PPP6R1: variants seen among roughly 807,000 people sequenced by gnomAD.
PPP6R1 encodes the protein serine/threonine-protein phosphatase 6 regulatory subunit 1.
Under a neutral mutation model 104.6 loss-of-function variants are expected in PPP6R1, and 39 were observed. The observed-to-expected ratio is 0.37, with a 90% CI of 0.29 to 0.49. The LOEUF is 0.49. Ranked by LOEUF, PPP6R1 falls within the 20% of genes least tolerant of loss-of-function variation. PPP6R1 has a pLI of 0.98. For synonymous variants in PPP6R1, 549 were observed against 479.0 expected (o/e 1.15, Z -1.91); for missense variants, 1,181 against 1,155.8 (o/e 1.02, Z -0.32).
At chr19:55,239,135 G>C in intron 15 of PPP6R1, 1 of 467,268 alleles carries the variant, frequency 2.1e-6, no homozygotes, top group African/African-American at 2.0e-5. Context: ...CCCGCTCTGT[G>C]TCCCCAGCAC....
chr19:55,231,686 C>A lies in PPP6R1; in HGVS notation c.2307-18G>T. 6.3e-7 allele frequency: 1 copy of A among 1,586,438 alleles called. No individual in the cohort carries two copies. The highest frequency in any genetic ancestry group is 1.2e-5 in the South Asian group (1 of 86,506). ...CCTGAGACCTGGTAGGCGAGAGAGG[C>A]AGCCCAAGGGGGCAGCTAGGGTTAG... On this transcript the variant is annotated intron_variant, in intron 19 of 23. Transcript: ENST00000412770.
At chr19:55,253,701 G>A (rs1216184721) in intron 1 of PPP6R1, among the ~76,000 whole-genome samples, 1 of 152,138 alleles carries the variant, frequency 6.6e-6, no homozygotes, top group African/African-American at 2.4e-5. Flanking sequence ...AAATATGGAA[G>A]AACAGAAAAA....
chr19:55,257,038 C>T, intron 1 of PPP6R1, among the ~76,000 whole-genome samples: 1 of 148,672 alleles, frequency 6.7e-6, no homozygotes, highest in Non-Finnish European at 1.5e-5. Context: ...TAACAATTAG[C>T]TGGACTGCCT....
rs1169299220 is a variant in PPP6R1, at chr19:55,240,120, A to G, written c.1362-6T>C. The G allele has an allele frequency of 6.3e-7, 1 of 1,574,878 alleles. No homozygotes were observed. The highest frequency in any genetic ancestry group is 2.4e-5 in the East Asian group (1 of 42,338). ...TCCGAGGGCCTCCCGCACACCTGGC[A>G]AGAGTGAAGGCCGCGGCTGCAAGCC... On this transcript the variant is annotated splice_polypyrimidine_tract_variant and splice_region_variant and intron_variant, in intron 11 of 23. Transcript: ENST00000412770.
chr19:55,234,744 T>C (rs558899457), intron 17 of PPP6R1, among the ~76,000 whole-genome samples: 1 of 152,306 alleles, frequency 6.6e-6, no homozygotes, highest in East Asian at 1.9e-4. Context: ...TCATCATGCA[T>C]GGCACTGCCC....
At position 55,245,730 on chromosome 19, in the gene PPP6R1, G is replaced by C. The variant is rs1255356868; in HGVS notation, c.228-52C>G. 5 of 1,406,338 alleles carry C rather than the reference G, an allele frequency of 3.6e-6. No homozygotes were observed. The highest frequency in any genetic ancestry group is 4.9e-6 in the Non-Finnish European group (5 of 1,025,488). The allele number at this position is 1,406,338 out of a possible 1,614,324, so 87.1% of individuals were successfully genotyped here. A position where few individuals can be genotyped will look rare whatever the true frequency, so the allele number is the denominator to read the frequency against. On this transcript the variant is annotated intron_variant, in intron 2 of 23. Transcript: ENST00000412770. The surrounding 1 kb of genome is among the most constrained non-coding windows in gnomAD (Gnocchi z 6.4). ...GGCTCGGGTCGGAGGCCGGGGGCAGGGGGCGGCAAGGCTCCACCCTCTTCT... is the reference window on the plus strand; with the variant it reads ...GGCTCGGGTCGGAGGCCGGGGGCAGCGGGCGGCAAGGCTCCACCCTCTTCT...
At chr19:55,239,712 G>A in intron 13 of PPP6R1, 29 bp from the exon 14 acceptor site, 2 of 1,593,668 alleles carry the variant, frequency 1.3e-6, no homozygotes, top group Non-Finnish European at 8.6e-7. Context: ...GTCAGGGCCT[G>A]CTGGAGCCCC....
At chr19:55,250,440 G>A (rs575657838) in intron 1 of PPP6R1, among the ~76,000 whole-genome samples, 4 of 152,252 alleles carry the variant, frequency 2.6e-5, no homozygotes, top group South Asian at 2.1e-4. Context: ...GCGAGTTCCC[G>A]CTGAGCCGGC....
intron 17 of PPP6R1, among the ~76,000 whole-genome samples, chr19:55,235,571 T>C (rs1475148536): frequency 6.6e-6 from 1 of 150,832 alleles, no homozygotes; most frequent in Non-Finnish European, 1.5e-5. Context: ...CAGGCTGGAG[T>C]ACAGTGGCGC....
intron 1 of PPP6R1, among the ~76,000 whole-genome samples, chr19:55,254,550 G>C (rs1012946015): frequency 6.6e-6 from 1 of 152,114 alleles, no homozygotes; most frequent in Non-Finnish European, 1.5e-5. Context: ...CCAGGGAACC[G>C]GTGGGCCCAT....
At position 55,242,276 on chromosome 19, in the gene PPP6R1, C is replaced by G. The variant is rs1481607277; in HGVS notation, c.735G>C (p.Gln245His). Residue 245 changes from glutamine (Q) to histidine (H), a missense_variant, in exon 7 of 24, where the codon CAG becomes CAC. By Grantham distance (24) the Gln-to-His change is conservative. This residue lies in a region of PPP6R1 where 1,042 missense variants were observed against 955.6 expected (regional missense o/e 1.09). Coordinates refer to ENST00000412770, the MANE Select transcript of PPP6R1 (RefSeq NM_014931.4). ...TGCTTAAGAGCTGCTCAATCGTCTC[C>G]TGCCTGCGGGGGCAGGGGCAGGGGT... ...PDQLLATLEK[Q>H]ETIEQLLSNM... The G allele has an allele frequency of 6.2e-7, 1 of 1,613,968 alleles. No individual in the cohort carries two copies. The highest frequency in any genetic ancestry group is 1.7e-5 in the Admixed American group (1 of 60,030).
chr19:55,240,703 G>A (rs922502746), intron 10 of PPP6R1, among the ~76,000 whole-genome samples: 1 of 152,056 alleles, frequency 6.6e-6, no homozygotes, highest in Non-Finnish European at 1.5e-5. Context: ...TCAGCTGCTC[G>A]CAGGTCTGCT....
rs79997257 is a variant in PPP6R1 at position 55,237,206 on chromosome 19, G to T, written c.1752-236C>A. 6.1e-3 allele frequency among the ~76,000 whole-genome samples: 924 copies of T among 152,266 alleles called. 5 individuals are homozygous for T. Among genetic ancestry groups the T allele is most frequent in the African/African-American group, 0.021 (889 of 41,520 alleles). ...TTAAAACCACTCATTGAGGTAGGCT[G>T]TTTCCCTTGGCTCTAGAAGTGAGAA... On this transcript the variant is annotated intron_variant, in intron 15 of 23. Coordinates refer to ENST00000412770, the MANE Select transcript of PPP6R1 (RefSeq NM_014931.4).
In PPP6R1 at chr19:55,236,919, A is replaced by G; in HGVS notation, c.1803T>C (p.Asp601=). The G allele has an allele frequency of 1.2e-6, 2 of 1,612,700 alleles. No individual in the cohort carries two copies. Among genetic ancestry groups the G allele is most frequent in the Admixed American group, 3.3e-5 (2 of 60,020 alleles). Residue 601 remains aspartate (D), a synonymous_variant, in exon 16 of 24, where the codon GAT becomes GAC. Coordinates refer to ENST00000412770, the MANE Select transcript of PPP6R1 (RefSeq NM_014931.4). ...GGGACAGGGCAGTACTCACGTTCTCATCGTCAGCATTGAGGGAGAAGGTGA... is the reference window on the plus strand; with the variant it reads ...GGGACAGGGCAGTACTCACGTTCTCGTCGTCAGCATTGAGGGAGAAGGTGA... ...ANITFSLNAD[D]ENPNANLLEI... is the part of the protein sequence containing the mutation.
intron 1 of PPP6R1, among the ~76,000 whole-genome samples, chr19:55,258,113 CG>C (rs2087608436): frequency 6.6e-6 from 1 of 152,202 alleles, no homozygotes; most frequent in Non-Finnish European, 1.5e-5. Context: ...GCCGGGGAAC[CG>C]GCCAGAGAGG....
In PPP6R1 at chr19:55,240,043, G is replaced by A. The variant is rs370760695; in HGVS notation, c.1433C>T (p.Thr478Met). Residue 478 changes from threonine to methionine, a missense_variant, in exon 12 of 24, where the codon ACG (threonine) becomes ATG (methionine). Around this residue, in one of 2 missense-constraint regions of PPP6R1, gnomAD observed 1,042 missense variants for 955.6 expected, o/e 1.09. Coordinates refer to ENST00000412770, the MANE Select transcript of PPP6R1 (RefSeq NM_014931.4). The stretch of plus-strand genomic sequence containing the variant: ...CTGCTCTGCATTGGGCCCCTTCTCC[G>A]TGTTCTGCACCAGGGCACCGGCCAC... Reference protein sequence around the residue: ...TRVAGALVQNTEKGPNAEQLR... With the variant: ...TRVAGALVQNMEKGPNAEQLR... 68 of 1,603,288 alleles carry A rather than the reference G, an allele frequency of 4.2e-5. No homozygotes were observed. Among genetic ancestry groups the A allele is most frequent in the African/African-American group, 1.1e-4 (8 of 74,794 alleles).
Position 55,230,101 on chromosome 19 carries a change from G to A in PPP6R1, c.*427C>T, listed in dbSNP as rs145131014. 1.5e-4 allele frequency: 26 copies of A among 179,116 alleles called. No homozygotes were observed. Among genetic ancestry groups the A allele is most frequent in the South Asian group, 5.1e-4 (4 of 7,770 alleles). The allele number at this position is 179,116 out of a possible 1,614,324, so 11.1% of individuals were successfully genotyped here. A position where few individuals can be genotyped will look rare whatever the true frequency, so the allele number is the denominator to read the frequency against. ...GCCGGGTGTGGGCGTGGCCGTCTGC[G>A]CTGCAGCGTGGGACAGCTGGGCACG... On this transcript the variant is annotated 3_prime_UTR_variant, in exon 24 of 24. Coordinates refer to ENST00000412770, the MANE Select transcript of PPP6R1 (RefSeq NM_014931.4).
At chr19:55,249,946 CAGCTCACTGACTG>C (rs966347209) in intron 1 of PPP6R1, among the ~76,000 whole-genome samples, 1 of 152,220 alleles carries the variant, frequency 6.6e-6, no homozygotes, top group Admixed American at 6.5e-5. Flanking sequence ...CCTGCCCAGC[CAGCTCACTGACTG>C]ACCTCCATGC....
At chr19:55,246,264 C>T (rs1247036690) in intron 2 of PPP6R1, among the ~76,000 whole-genome samples, 1 of 152,126 alleles carries the variant, frequency 6.6e-6, no homozygotes, top group African/African-American at 2.4e-5. Context: ...AACCCTGTCT[C>T]TACCAAAAAT....
Sources: gnomAD v4.1 joint callset for allele counts (sites outside exome capture counted in the v4.1 genomes callset) on GRCh38, gnomAD v4.1.1 for gene constraint, gnomAD v4.1.1 regional missense constraint, Gnocchi (gnomAD v3.1) non-coding constraint, MANE v1.5 for transcripts, NCBI Gene and HGNC (gene_info 2026-07-23, HGNC 2026-07-21) for gene names.